Variants in DOCK10 observed in about 807,000 individuals in gnomAD.
DOCK10 encodes the protein dedicator of cytokinesis protein 10.
DOCK10 carries 145 observed loss-of-function variants against 280.1 expected under a neutral mutation model. The ratio of observed to expected loss-of-function variants is 0.52; its 90% CI spans 0.45 to 0.59. The LOEUF (loss-of-function observed/expected upper bound fraction) is 0.59, where lower values mean the gene tolerates loss of function less well. Among genes scored for constraint, DOCK10 ranks in the 20% least tolerant of loss-of-function variants. DOCK10 has a pLI of 0.00. For synonymous variants in DOCK10, 915 were observed against 942.2 expected (o/e 0.97, Z 0.53); for missense variants, 2,368 against 2,651.7 (o/e 0.89, Z 2.35).
At chr2:224,915,643 C>T (rs1159724641) in intron 3 of DOCK10, among the ~76,000 whole-genome samples, 1 of 152,138 alleles carries the variant, frequency 6.6e-6, no homozygotes, top group Non-Finnish European at 1.5e-5. Context: ...TAATGAATTC[C>T]TAGTTGGGAC....
chr2:225,041,362 C>T, intron 1 of DOCK10, among the ~76,000 whole-genome samples: 1 of 152,190 alleles, frequency 6.6e-6, no homozygotes, highest in East Asian at 1.9e-4. Flanking sequence ...GGCTGTTGTT[C>T]CCACTCGCTT....
intron 1 of DOCK10, among the ~76,000 whole-genome samples, chr2:224,988,931 TC>T (rs1706051779): frequency 6.6e-6 from 1 of 152,100 alleles, no homozygotes. Flanking sequence ...ATTACTTGCT[TC>T]CCCCTACATG....
Position 224,854,955 on chromosome 2 carries a change from C to A in DOCK10, c.1888+8G>T. ...CTCTGCAACCAAACCATGACATCATCATCATACTTGGATGCTCCAAGGGAA... is the reference window on the plus strand; with the variant it reads ...CTCTGCAACCAAACCATGACATCATAATCATACTTGGATGCTCCAAGGGAA... On this transcript the variant is annotated splice_region_variant and intron_variant, in intron 16 of 55. Transcript: ENST00000258390. 1.3e-6 allele frequency: 2 copies of A among 1,598,692 alleles called. No individual in the cohort carries two copies. The highest frequency in any genetic ancestry group is 1.7e-6 in the Non-Finnish European group (2 of 1,169,978).
chr2:225,021,665 A>G (rs1184455612), intron 1 of DOCK10, among the ~76,000 whole-genome samples: 1 of 152,166 alleles, frequency 6.6e-6, no homozygotes, highest in Non-Finnish European at 1.5e-5. Flanking sequence ...TTGTACTTTG[A>G]TATCCTAATG....
chr2:224,954,083 A>C (rs527723359), intron 1 of DOCK10, among the ~76,000 whole-genome samples: 2 of 152,294 alleles, frequency 1.3e-5, no homozygotes, highest in African/African-American at 4.8e-5. Context: ...GACAGGTATA[A>C]AGTTGTAATA....
intron 4 of DOCK10, among the ~76,000 whole-genome samples, chr2:224,890,275 G>GTCT (rs1266585746): frequency 7.2e-5 from 11 of 152,196 alleles, no homozygotes; most frequent in Non-Finnish European, 1.3e-4. Flanking sequence ...CAGGCCAGGC[G>GTCT]TCGCATTAAT....
In DOCK10 at chr2:224,834,133, C is replaced by T. The variant is rs374615370; in HGVS notation, c.2964+17G>A. ...TGCCTAGTACTCACAGTTAAAGGAC[C>T]ATCTTTAAATTCTTACCTTTAGGAC... On this transcript the variant is annotated intron_variant, in intron 26 of 55. Transcript: ENST00000258390. The T allele has an allele frequency of 1.4e-6, 2 of 1,452,464 alleles. No individual in the cohort carries two copies. Among genetic ancestry groups the T allele is most frequent in the Non-Finnish European group, 1.9e-6 (2 of 1,033,508 alleles). 90.0% of individuals were successfully genotyped at this position (1,452,464 alleles called of 1,614,324 possible). A position where few individuals can be genotyped will look rare whatever the true frequency, so the allele number is the denominator to read the frequency against.
At chr2:225,024,894 G>GA (rs909229882) in intron 1 of DOCK10, among the ~76,000 whole-genome samples, 21 of 147,612 alleles carry the variant, frequency 1.4e-4, no homozygotes, top group African/African-American at 5.0e-4. Flanking sequence ...GTTTCAAAAA[G>GA]AAAAAAAAGA....
At position 224,885,745 on chromosome 2, in the gene DOCK10, A is replaced by G. The variant is rs1395263606; in HGVS notation, c.673T>C (p.Phe225Leu). Residue 225 changes from phenylalanine (F) to leucine (L), a missense_variant, in exon 7 of 56, where the codon TTT becomes CTT. By Grantham distance (22) the Phe-to-Leu change is conservative. This residue lies in a region of DOCK10 where 1,209 missense variants were observed against 1,250.9 expected (regional missense o/e 0.97). Coordinates refer to ENST00000258390, the MANE Select transcript of DOCK10 (RefSeq NM_014689.3). Reference protein sequence around the residue: ...QLPDNSYIMNFYKDEKISKEP... With the variant: ...QLPDNSYIMNLYKDEKISKEP... ...TTGGATATTTTCTCATCTTTGTAAA[A>G]GTTCATAATGTAGGAGTTATCTGGT... The G allele has an allele frequency of 6.8e-6, 11 of 1,613,784 alleles. No homozygotes were observed. The South Asian group carries it at 1.1e-4, about 16-fold the overall frequency.
intron 1 of DOCK10, among the ~76,000 whole-genome samples, chr2:224,943,394 A>G (rs1342642194): frequency 6.6e-6 from 1 of 152,198 alleles, no homozygotes; most frequent in Non-Finnish European, 1.5e-5. Flanking sequence ...TCAAGAGGGT[A>G]TAAAATCTGG....
At chr2:225,016,604 G>C (rs1559962799) in intron 1 of DOCK10, among the ~76,000 whole-genome samples, 1 of 101,724 alleles carries the variant, frequency 9.8e-6, no homozygotes, top group East Asian at 2.8e-4. Context: ...TGTGCACATA[G>C]ATACATATAT....
chr2:224,790,799 G>T (rs1400338543), intron 47 of DOCK10, among the ~76,000 whole-genome samples: 2 of 152,048 alleles, frequency 1.3e-5, no homozygotes, highest in Non-Finnish European at 2.9e-5. Context: ...AACATTGTAG[G>T]GAAGGGATAA....
At chr2:224,823,178 G>A (rs1055638991) in intron 28 of DOCK10, among the ~76,000 whole-genome samples, 7 of 151,710 alleles carry the variant, frequency 4.6e-5, no homozygotes, top group Middle Eastern at 3.2e-3. Flanking sequence ...AGTAGACACG[G>A]GGTTTCACCA....
intron 2 of DOCK10, among the ~76,000 whole-genome samples, chr2:224,928,124 A>C (rs1411230999): frequency 6.6e-6 from 1 of 152,220 alleles, no homozygotes; most frequent in Non-Finnish European, 1.5e-5. Context: ...CCACGTCCCT[A>C]AAATGTGACA....
chr2:224,856,208 G>A (rs192008273), intron 15 of DOCK10, among the ~76,000 whole-genome samples: 38 of 152,282 alleles, frequency 2.5e-4, no homozygotes, highest in Middle Eastern at 3.4e-3. Flanking sequence ...TAATGTCAGC[G>A]TTGCATTGTG....
chr2:224,774,854 G>A, intron 52 of DOCK10, 51 bp downstream of exon 52: 2 of 1,499,296 alleles, frequency 1.3e-6, no homozygotes, highest in African/African-American at 1.4e-5. Context: ...CCTATAAAGG[G>A]GCCTGTGCTG....
intron 7 of DOCK10, among the ~76,000 whole-genome samples, chr2:224,883,708 T>C (rs1699106231): frequency 6.6e-6 from 1 of 152,184 alleles, no homozygotes; most frequent in Non-Finnish European, 1.5e-5. Flanking sequence ...TACTCCTTTT[T>C]TTCCATGACA....
chr2:224,928,268 G>T (rs1702144828), intron 2 of DOCK10, among the ~76,000 whole-genome samples: 1 of 134,308 alleles, frequency 7.4e-6, no homozygotes, highest in African/African-American at 2.7e-5. Flanking sequence ...AAGCGTCAAA[G>T]AATAAATCTT....
At chr2:224,829,061 A>T (rs1277490144) in intron 27 of DOCK10, among the ~76,000 whole-genome samples, 1 of 152,210 alleles carries the variant, frequency 6.6e-6, no homozygotes, top group Non-Finnish European at 1.5e-5. Flanking sequence ...TGAGTCTATC[A>T]ATTCTTCTCC....
Sources: gnomAD v4.1 joint callset for allele counts (sites outside exome capture counted in the v4.1 genomes callset) on GRCh38, gnomAD v4.1.1 for gene constraint, gnomAD v4.1.1 regional missense constraint, MANE v1.5 for transcripts, NCBI Gene and HGNC (gene_info 2026-07-23, HGNC 2026-07-21) for gene names.